The following ACTB variants were observed in gnomAD, a reference collection of about 807,000 sequenced individuals.
ACTB encodes actin, cytoplasmic 1.
ACTB carries 2 observed loss-of-function variants against 30.5 expected under a neutral mutation model. The ratio of observed to expected loss-of-function variants is 0.07; its 90% confidence interval spans 0.03 to 0.21. ACTB has a LOEUF of 0.21. Ranked by LOEUF, ACTB falls within the 10% of genes least tolerant of loss-of-function variation. The pLI is 1.00. For missense variants in ACTB, 56 were observed against 530.0 expected (o/e 0.11, Z 8.78); for synonymous variants, 335 against 217.6 (o/e 1.54, Z -4.75).
chr7:5,529,787 G>T, intron 1 of ACTB, 124 bp from the exon 2 acceptor site: 1 of 1,482,896 alleles, frequency 6.7e-7, no homozygotes, highest in Non-Finnish European at 9.3e-7. Context: ...AAAGGAAGCC[G>T]GGCCGGCCGC....
At chr7:5,528,235 G>A (rs199962715) in intron 4 of ACTB, 46 bp downstream of exon 4, 10 of 1,613,734 alleles carry the variant, frequency 6.2e-6, no homozygotes, top group East Asian at 2.2e-5. Context: ...CAGCCCCGAG[G>A]GGTAACCCTC....
chr7:5,529,828 G>A, intron 1 of ACTB, 165 bp from the exon 2 acceptor site: 1 of 1,182,226 alleles, frequency 8.5e-7, no homozygotes, highest in Non-Finnish European at 1.2e-6. Context: ...ACACTGGTCG[G>A]AGGCGTCCCC....
At chr7:5,530,191 C>T (rs1482128225) in intron 1 of ACTB, among the ~76,000 whole-genome samples, 2 of 152,016 alleles carry the variant, frequency 1.3e-5, no homozygotes, top group Non-Finnish European at 2.9e-5. Flanking sequence ...GCCCCAGCCC[C>T]CACCGGGCCT....
At position 5,527,926 on chromosome 7, in the gene ACTB, G is replaced by A. The variant is rs558928652; in HGVS notation, c.985-35C>T. On this transcript the variant is annotated intron_variant, in intron 5 of 5. Coordinates refer to ENST00000646664, the MANE Select transcript of ACTB (RefSeq NM_001101.5). The stretch of plus-strand genomic sequence containing the variant: ...GAAGGGGACAGGCAGTGAGGACCCT[G>A]GATGTGACAGCTCCCCACACACCAC... The A allele has an allele frequency of 2.5e-6, 4 of 1,613,096 alleles. No individual in the cohort carries two copies. The Admixed American group carries it at 5.0e-5, about 20-fold the overall frequency.
At chr7:5,528,246 A>G (rs1272216260) in intron 4 of ACTB, 35 bp downstream of exon 4, 1 of 1,613,668 alleles carries the variant, frequency 6.2e-7, no homozygotes, top group Non-Finnish European at 8.5e-7. Context: ...GGTAACCCTC[A>G]TGTCAGGCAG....
At chr7:5,528,944 C>G (rs575321461) in intron 3 of ACTB, 4 of 1,527,028 alleles carry the variant, frequency 2.6e-6, no homozygotes, top group Non-Finnish European at 3.6e-6. Context: ...CCTACACCCA[C>G]AACACTGTCT....
intron 3 of ACTB, 185 bp downstream of exon 3, chr7:5,528,976 A>G: frequency 1.9e-6 from 3 of 1,573,490 alleles, no homozygotes; most frequent in Non-Finnish European, 2.6e-6. Context: ...TCAGAGAGAC[A>G]AACACCAGAA....
chr7:5,527,514 C>A lies in ACTB; in HGVS notation c.*234G>T. On this transcript the variant is annotated 3_prime_UTR_variant, in exon 6 of 6. Transcript: ENST00000646664. The stretch of plus-strand genomic sequence containing the variant: ...ATATTTGGAATGACTATTAAAAAAA[C>A]AACAATGTGCAATCAAAGTCCTCGG... 1 of 659,350 alleles carries A rather than the reference C, an allele frequency of 1.5e-6. No individual in the cohort carries two copies. The highest frequency in any genetic ancestry group is 2.5e-6 in the Non-Finnish European group (1 of 395,082). 40.8% of individuals were successfully genotyped at this position (659,350 alleles called of 1,614,324 possible).
chr7:5,530,190 C>G (rs563603087), intron 1 of ACTB, among the ~76,000 whole-genome samples: 49 of 152,132 alleles, frequency 3.2e-4, no homozygotes, highest in African/African-American at 1.2e-3. Context: ...CGCCCCAGCC[C>G]CCACCGGGCC....
rs1213730033 is a variant in ACTB at position 5,527,996 on chromosome 7, A to G, written c.984+8T>C. On this transcript the variant is annotated splice_region_variant and intron_variant, in intron 5 of 5. Transcript: ENST00000646664. ...GCCCAGGTCAGCTCAGGCAGGAAAG[A>G]CACCCACCTTGATCTTCATTGTGCT... The G allele has an allele frequency of 6.2e-7, 1 of 1,613,060 alleles. No individual in the cohort carries two copies. Among genetic ancestry groups the G allele is most frequent in the Non-Finnish European group, 8.5e-7 (1 of 1,179,066 alleles).
Position 5,528,258 on chromosome 7 carries a change from GCCGGGAGA to G in ACTB, c.802+15_802+22del, listed in dbSNP as rs1411297835. On this transcript the variant is annotated intron_variant, in intron 4 of 5. Coordinates refer to ENST00000646664, the MANE Select transcript of ACTB (RefSeq NM_001101.5). ...AGGGGTAACCCTCATGTCAGGCAGAGCCGGGAGACAGTCTCCACTCACCCAGGAAGGAA... is the reference window on the plus strand; with the variant it reads ...AGGGGTAACCCTCATGTCAGGCAGAGCAGTCTCCACTCACCCAGGAAGGAA... 9 of 1,613,656 alleles carry G rather than the reference GCCGGGAGA, an allele frequency of 5.6e-6. No individual in the cohort carries two copies. The Admixed American group carries it at 1.5e-4, about 27-fold the overall frequency.
chr7:5,530,322 G>C (rs1784865865), intron 1 of ACTB, among the ~76,000 whole-genome samples: 1 of 151,998 alleles, frequency 6.6e-6, no homozygotes, highest in Non-Finnish European at 1.5e-5. Flanking sequence ...TCCCGAGCGC[G>C]GCCTCGCGCC....
At chr7:5,528,857 T>C (rs1584262436) in intron 3 of ACTB, 138 bp from the exon 4 acceptor site, 13 of 1,397,528 alleles carry the variant, frequency 9.3e-6, no homozygotes, top group South Asian at 3.5e-5. Flanking sequence ...TCAGACCTAC[T>C]GTGCACCTAC....
chr7:5,527,956 C>A (rs1427745774), intron 5 of ACTB, 48 bp downstream of exon 5: 3 of 1,613,072 alleles, frequency 1.9e-6, no homozygotes, highest in East Asian at 2.2e-5. Context: ...CACCACAGGA[C>A]CCCACAGCCG....
At chr7:5,529,090 G>A (rs1315182848) in intron 3 of ACTB, 71 bp downstream of exon 3, 9 of 1,613,504 alleles carry the variant, frequency 5.6e-6, no homozygotes, top group East Asian at 4.5e-5. Context: ...GAGAACCAGT[G>A]AGAAAGGGCG....
In ACTB at chr7:5,528,275, A is replaced by G. The variant is rs778241923; in HGVS notation, c.802+6T>C. On this transcript the variant is annotated splice_donor_region_variant and intron_variant, in intron 4 of 5. Coordinates refer to ENST00000646664, the MANE Select transcript of ACTB (RefSeq NM_001101.5). ...CAGGCAGAGCCGGGAGACAGTCTCC[A>G]CTCACCCAGGAAGGAAGGCTGGAAG... 3 of 1,613,140 alleles carry G rather than the reference A, an allele frequency of 1.9e-6. No homozygotes were observed. Among genetic ancestry groups the G allele is most frequent in the Middle Eastern group, 1.6e-4 (1 of 6,062 alleles).
chr7:5,528,360 C>T lies in ACTB; in HGVS notation c.723G>A (p.Glu241=), dbSNP rs1434238728. The T allele has an allele frequency of 2.5e-6, 4 of 1,614,146 alleles. 1 individual carries two copies. In the South Asian group the frequency reaches 4.4e-5, roughly 18 times the overall value. The part of the protein sequence containing the change: ...ASSSSLEKSY[E]LPDGQVITIG... Reference sequence around the variant, plus strand: ...TGGTGATGACCTGGCCGTCAGGCAGCTCGTAGCTCTTCTCCAGGGAGGAGC... The same window carrying T: ...TGGTGATGACCTGGCCGTCAGGCAGTTCGTAGCTCTTCTCCAGGGAGGAGC... The change falls in exon 4 of 6, where the codon GAG becomes GAA. Residue 241 remains glutamate, a synonymous_variant. Transcript: ENST00000646664.
chr7:5,528,993 C>A (rs1434209795), intron 3 of ACTB, 168 bp downstream of exon 3: 1 of 1,593,908 alleles, frequency 6.3e-7, no homozygotes, highest in Non-Finnish European at 8.5e-7. Context: ...AGAAAAAGAG[C>A]TCATCTGGGA....
At chr7:5,530,081 G>A (rs537209404) in intron 1 of ACTB, 2 of 153,562 alleles carry the variant, frequency 1.3e-5, no homozygotes, top group South Asian at 2.1e-4. Context: ...GAACGCACGC[G>A]CAGTTAGCGC....
Sources: allele counts gnomAD v4.1 joint callset (sites outside exome capture counted in the v4.1 genomes callset), GRCh38; gene constraint gnomAD v4.1.1; transcripts MANE v1.5; gene names NCBI Gene and HGNC (gene_info 2026-07-23, HGNC 2026-07-21).